The following MARCHF1 variants were observed in gnomAD, a reference collection of about 807,000 sequenced individuals.
MARCHF1 encodes E3 ubiquitin-protein ligase MARCHF1.
Under a neutral mutation model 54.2 loss-of-function variants are expected in MARCHF1, and 40 were observed. The observed-to-expected ratio is 0.74, with a 90% CI of 0.57 to 0.96. The LOEUF is 0.96. MARCHF1 is among the 40% of genes least tolerant of loss of function. MARCHF1 has a pLI of 0.00. For synonymous variants in MARCHF1, 236 were observed against 236.3 expected, an observed-to-expected ratio of 1.00 and a Z score of 0.01; for missense variants, 586 against 656.5, an observed-to-expected ratio of 0.89 and a Z score of 1.17.
rs192243516 is a variant in MARCHF1, at chr4:164,258,062, C to T, written c.-323+125808G>A. 4.1e-3 allele frequency among the ~76,000 whole-genome samples: 618 copies of T among 152,228 alleles called. 7 individuals carry two copies. The highest frequency in any genetic ancestry group is 0.017 in the South Asian group (82 of 4,814). The stretch of plus-strand genomic sequence containing the variant: ...TGTGGTACATATACACCATGGAATA[C>T]TATGCAGCCATAAGAAAGGATGAGT... On this transcript the variant is annotated intron_variant, in intron 1 of 9. Transcript: ENST00000514618.
intron 4 of MARCHF1, among the ~76,000 whole-genome samples, chr4:163,746,964 C>G (rs1746379744): frequency 6.6e-6 from 1 of 152,152 alleles, no homozygotes; most frequent in African/African-American, 2.4e-5. Flanking sequence ...TGTCTTTGAT[C>G]TTGAGCACAT....
intron 3 of MARCHF1, among the ~76,000 whole-genome samples, chr4:163,928,040 G>C (rs1413615302): frequency 2.6e-5 from 4 of 151,404 alleles, no homozygotes; most frequent in African/African-American, 9.7e-5. Context: ...ATGTTGAATG[G>C]GGTATATATA....
At chr4:164,034,097 A>AGATG (rs1346851662) in intron 2 of MARCHF1, among the ~76,000 whole-genome samples, 1 of 147,176 alleles carries the variant, frequency 6.8e-6, no homozygotes, top group East Asian at 2.0e-4. Flanking sequence ...ATAGATAGAT[A>AGATG]GATAGATAGA....
intron 4 of MARCHF1, among the ~76,000 whole-genome samples, chr4:163,836,257 T>C (rs1377139354): frequency 1.2e-5 from 1 of 85,330 alleles, no homozygotes; most frequent in East Asian, 3.5e-4. Flanking sequence ...ATTTATTTAT[T>C]TATTTAGAGA....
At chr4:163,938,985 C>T (rs4131614) in intron 3 of MARCHF1, among the ~76,000 whole-genome samples, 10,548 of 152,138 alleles carry the variant, frequency 0.069, 781 homozygotes, top group African/African-American at 0.18. Context: ...GGGTGGGACA[C>T]AGCCAAACCA....
At chr4:164,220,507 G>A (rs1465221696) in intron 1 of MARCHF1, among the ~76,000 whole-genome samples, 1 of 143,848 alleles carries the variant, frequency 7.0e-6, no homozygotes, top group Non-Finnish European at 1.5e-5. Context: ...TATGGGAATG[G>A]CATATATATG....
intron 5 of MARCHF1, among the ~76,000 whole-genome samples, chr4:163,683,248 A>C (rs1744163218): frequency 6.6e-6 from 1 of 152,180 alleles, no homozygotes; most frequent in South Asian, 2.1e-4. Flanking sequence ...ATCATGGCGG[A>C]AGGTAAAAGG....
intron 1 of MARCHF1, among the ~76,000 whole-genome samples, chr4:164,132,980 C>T (rs183809812): frequency 1.5e-4 from 23 of 152,152 alleles, no homozygotes; most frequent in South Asian, 2.1e-4. Flanking sequence ...TTCCTTTTGA[C>T]GTGAGATTCC....
chr4:164,216,994 A>C (rs1020518493), intron 1 of MARCHF1, among the ~76,000 whole-genome samples: 6 of 152,232 alleles, frequency 3.9e-5, no homozygotes, highest in African/African-American at 1.2e-4. Context: ...ATAGCATGAA[A>C]ACAAATATAG....
At chr4:163,649,479 T>G (rs1397994) in intron 5 of MARCHF1, among the ~76,000 whole-genome samples, 31,070 of 151,910 alleles carry the variant, frequency 0.2, 3,356 homozygotes, top group South Asian at 0.35. Context: ...GAGATTGATC[T>G]GGTGAAATTT....
intron 3 of MARCHF1, among the ~76,000 whole-genome samples, chr4:163,876,034 C>T (rs1750279618): frequency 6.6e-6 from 1 of 152,052 alleles, no homozygotes; most frequent in African/African-American, 2.4e-5. Flanking sequence ...GAATAAAAAA[C>T]CTTTATTTGA....
At chr4:164,000,308 T>C (rs1489473879) in intron 2 of MARCHF1, among the ~76,000 whole-genome samples, 1 of 151,792 alleles carries the variant, frequency 6.6e-6, no homozygotes, top group African/African-American at 2.4e-5. Context: ...GGCCATATTA[T>C]GATTTATTGA....
intron 4 of MARCHF1, among the ~76,000 whole-genome samples, chr4:163,744,830 A>G (rs1195786417): frequency 1.3e-5 from 2 of 152,164 alleles, no homozygotes; most frequent in African/African-American, 4.8e-5. Flanking sequence ...AATTGAAAAT[A>G]AAATAGAGCC....
chr4:164,251,591 G>A (rs754287911), intron 1 of MARCHF1, among the ~76,000 whole-genome samples: 10 of 152,130 alleles, frequency 6.6e-5, no homozygotes, highest in Non-Finnish European at 1.5e-4. Flanking sequence ...TTGCACTCTA[G>A]GTACTAGGAT....
intron 1 of MARCHF1, among the ~76,000 whole-genome samples, chr4:164,174,369 T>C (rs527575554): frequency 6.6e-6 from 1 of 152,248 alleles, no homozygotes; most frequent in Non-Finnish European, 1.5e-5. Context: ...GAAAATATTG[T>C]TTCCTTCCTA....
intron 5 of MARCHF1, among the ~76,000 whole-genome samples, chr4:163,626,140 A>G (rs891180719): frequency 6.6e-6 from 1 of 152,248 alleles, no homozygotes; most frequent in South Asian, 2.1e-4. Flanking sequence ...AAAAACAAAC[A>G]GGAGGCCAGC....
chr4:164,208,227 G>T lies in MARCHF1; in HGVS notation c.-322-96565C>A, dbSNP rs72987760. 5.8e-3 allele frequency among the ~76,000 whole-genome samples: 887 copies of T among 152,238 alleles called. 13 individuals are homozygous for T. The highest frequency in any genetic ancestry group is 0.021 in the African/African-American group (859 of 41,544). ...GCCTGCTAGGTCATATCAAGACTGT[G>T]GAAAGTAACTCAGGTGAAATGGAAA... On this transcript the variant is annotated intron_variant, in intron 1 of 9. Transcript: ENST00000514618.
intron 1 of MARCHF1, among the ~76,000 whole-genome samples, chr4:164,151,094 A>G (rs562874210): frequency 1.3e-5 from 2 of 152,344 alleles, no homozygotes; most frequent in South Asian, 4.1e-4. Flanking sequence ...TCCAGAAAGA[A>G]CATGATGCTG....
rs563588189 is a variant in MARCHF1 at position 164,165,487 on chromosome 4, T to G, written c.-322-53825A>C. ...AACACAACCAAGCCGTGCTGGCACC[T>G]TGATCTCACAATTCTACCCTCCAAA... On this transcript the variant is annotated intron_variant, in intron 1 of 9. Transcript: ENST00000514618. 1.3e-5 allele frequency among the ~76,000 whole-genome samples: 2 copies of G among 152,044 alleles called. 1 individual carries two copies. The highest frequency in any genetic ancestry group is 6.8e-3 in the Middle Eastern group (2 of 294).
Sources: allele counts gnomAD v4.1 joint callset (sites outside exome capture counted in the v4.1 genomes callset), GRCh38; gene constraint gnomAD v4.1.1; transcripts MANE v1.5; gene names NCBI Gene and HGNC (gene_info 2026-07-23, HGNC 2026-07-21).